The following EML6 variants were observed in gnomAD, a reference collection of about 807,000 sequenced individuals.
EML6 encodes the protein echinoderm microtubule-associated protein-like 6.
Under a neutral mutation model 240.1 loss-of-function variants are expected in EML6, and 154 were observed. The observed-to-expected ratio is 0.64, with a 90% CI of 0.56 to 0.73. The LOEUF is 0.73. Among genes scored for constraint, EML6 ranks in the 30% least tolerant of loss-of-function variants. EML6 has a pLI of 0.00. For synonymous variants in EML6, 1,148 were observed against 899.0 expected (o/e 1.28, Z -4.95); for missense variants, 2,964 against 2,474.6 (o/e 1.20, Z -4.20).
At chr2:54,937,278 CA>C (rs148412435) in intron 28 of EML6, among the ~76,000 whole-genome samples, 81 of 140,468 alleles carry the variant, frequency 5.8e-4, no homozygotes, top group Admixed American at 7.1e-4. Flanking sequence ...AACTCTGTCT[CA>C]AAAAAAAAAA....
At chr2:54,883,416 T>C (rs1323928507) in intron 17 of EML6, among the ~76,000 whole-genome samples, 1 of 152,212 alleles carries the variant, frequency 6.6e-6, no homozygotes, top group Non-Finnish European at 1.5e-5. Context: ...AGTCTTCCTG[T>C]TAAAGGCTAC....
chr2:54,965,386 G>A (rs1273873294), intron 38 of EML6, among the ~76,000 whole-genome samples: 1 of 152,228 alleles, frequency 6.6e-6, no homozygotes, highest in African/African-American at 2.4e-5. Context: ...TGGACAAAAT[G>A]AGACTGGTCC....
At chr2:54,920,326 G>C (rs1048234825) in intron 26 of EML6, among the ~76,000 whole-genome samples, 2 of 151,780 alleles carry the variant, frequency 1.3e-5, no homozygotes, top group Admixed American at 6.6e-5. Context: ...TGAAAGATGA[G>C]ACATTATAAC....
intron 29 of EML6, among the ~76,000 whole-genome samples, chr2:54,949,464 G>C (rs368460676): frequency 6.6e-6 from 1 of 152,176 alleles, no homozygotes; most frequent in African/African-American, 2.4e-5. Flanking sequence ...GAGGGGAGTT[G>C]AGGGAGTTAT....
chr2:54,813,493 G>C, intron 3 of EML6, 102 bp downstream of exon 3: 7 of 1,003,388 alleles, frequency 7.0e-6, no homozygotes, highest in Non-Finnish European at 1.0e-5. Context: ...AACCCTTGCT[G>C]GTTCTTCTGG....
At chr2:54,806,648 T>C (rs1362762380) in intron 2 of EML6, among the ~76,000 whole-genome samples, 1 of 101,276 alleles carries the variant, frequency 9.9e-6, no homozygotes, top group East Asian at 2.9e-4. Context: ...AAAAAAAGAA[T>C]GTCCGTTTCT....
At chr2:54,852,495 G>C (rs927391421) in intron 10 of EML6, among the ~76,000 whole-genome samples, 11 of 152,018 alleles carry the variant, frequency 7.2e-5, no homozygotes, top group Non-Finnish European at 2.9e-5. Flanking sequence ...CTTATTATTG[G>C]GTATTTGAGC....
chr2:54,912,898 A>G (rs1673714771), intron 25 of EML6, among the ~76,000 whole-genome samples: 1 of 152,150 alleles, frequency 6.6e-6, no homozygotes, highest in African/African-American at 2.4e-5. Flanking sequence ...TTGGTAGAAC[A>G]ATTCCTTTTC....
chr2:54,825,443 T>G (rs765278031), intron 5 of EML6, among the ~76,000 whole-genome samples: 2 of 152,168 alleles, frequency 1.3e-5, no homozygotes, highest in Non-Finnish European at 2.9e-5. Flanking sequence ...TAATTATTTT[T>G]GTAGAGATGG....
At chr2:54,955,147 C>T (rs1301095231) in intron 32 of EML6, among the ~76,000 whole-genome samples, 3 of 152,238 alleles carry the variant, frequency 2.0e-5, no homozygotes, top group Non-Finnish European at 4.4e-5. Flanking sequence ...CACATGTTCT[C>T]ATTCTCTGGT....
intron 6 of EML6, among the ~76,000 whole-genome samples, 175 bp from the exon 7 acceptor site, chr2:54,829,167 T>C (rs935646934): frequency 2.6e-5 from 4 of 152,224 alleles, no homozygotes; most frequent in African/African-American, 9.6e-5. Context: ...TAAATGTAGC[T>C]GAGATGAACA....
rs186045743 is a variant in EML6 at position 54,938,744 on chromosome 2, T to A, written c.4004+9993T>A. Among the ~76,000 whole-genome samples, 90 of 152,362 alleles carry A rather than the reference T, an allele frequency of 5.9e-4. 1 individual carries two copies. The highest frequency in any genetic ancestry group is 2.2e-3 in the African/African-American group (90 of 41,584). On this transcript the variant is annotated intron_variant, in intron 28 of 41. Transcript: ENST00000356458. ...CACAATGTGATGGGTTCCTTGGACA[T>A]CTTCTGGCTGCACCTGTTCGGATCT...
In EML6 at chr2:54,916,586, G is replaced by A. The variant is rs532590135; in HGVS notation, c.3499-173G>A. Among the ~76,000 whole-genome samples, 3 of 152,322 alleles carry A rather than the reference G, an allele frequency of 2.0e-5. No homozygotes were observed. In the South Asian group the frequency reaches 6.2e-4, roughly 32 times the overall value. Reference sequence around the variant, plus strand: ...TTTGACTGCAGTGTTGGCTTCTGAAGACAATGCAAATAACCACTTTAAATA... The same window carrying A: ...TTTGACTGCAGTGTTGGCTTCTGAAAACAATGCAAATAACCACTTTAAATA... On this transcript the variant is annotated intron_variant, in intron 25 of 41. Transcript: ENST00000356458.
chr2:54,904,833 G>A (rs1483743628), intron 24 of EML6, among the ~76,000 whole-genome samples: 5 of 152,176 alleles, frequency 3.3e-5, no homozygotes, highest in Admixed American at 2.0e-4. Flanking sequence ...GAAGGCCTCT[G>A]CCAAAAAGGT....
chr2:54,821,675 T>A (rs1215044819), intron 5 of EML6, among the ~76,000 whole-genome samples: 1 of 152,050 alleles, frequency 6.6e-6, no homozygotes, highest in Non-Finnish European at 1.5e-5. Flanking sequence ...AAGACTTGGA[T>A]ACAAAGAAAT....
chr2:54,938,864 G>C (rs182248843), intron 28 of EML6, among the ~76,000 whole-genome samples: 4 of 152,098 alleles, frequency 2.6e-5, no homozygotes, highest in Non-Finnish European at 4.4e-5. Context: ...TTTGGTTTCC[G>C]TATTATCTCA....
chr2:54,740,495 T>A (rs1259785636), intron 2 of EML6, among the ~76,000 whole-genome samples: 1 of 152,184 alleles, frequency 6.6e-6, no homozygotes, highest in Non-Finnish European at 1.5e-5. Context: ...ACATAAACAC[T>A]GGGAATGATG....
intron 15 of EML6, among the ~76,000 whole-genome samples, chr2:54,869,697 A>G (rs1012873893): frequency 4.6e-5 from 7 of 151,110 alleles, no homozygotes; most frequent in Non-Finnish European, 1.0e-4. Flanking sequence ...CTAGGTACTC[A>G]ATAAATATTT....
chr2:54,967,280 G>C (rs1269485941), intron 39 of EML6, 177 bp downstream of exon 39: 1 of 482,228 alleles, frequency 2.1e-6, no homozygotes, highest in South Asian at 2.6e-5. Flanking sequence ...CACTGGCTTT[G>C]ATCTGACCTA....
Sources: allele counts gnomAD v4.1 joint callset (sites outside exome capture counted in the v4.1 genomes callset), GRCh38; gene constraint gnomAD v4.1.1; transcripts MANE v1.5; gene names NCBI Gene and HGNC (gene_info 2026-07-23, HGNC 2026-07-21).